Variants in VCAN observed in about 807,000 individuals in gnomAD.
VCAN encodes versican.
Under a neutral mutation model 245.5 loss-of-function variants are expected in VCAN, and 44 were observed. The ratio of observed to expected loss-of-function variants is 0.18; its 90% CI spans 0.14 to 0.23. The LOEUF is 0.23. Ranked by LOEUF, VCAN falls within the 10% of genes least tolerant of loss-of-function variation. The pLI, the probability that VCAN is intolerant of heterozygous loss-of-function variation, is 1.00. For synonymous variants in VCAN, 1,413 were observed against 1,437.0 expected (o/e 0.98, Z 0.38); for missense variants, 3,793 against 4,057.9 (o/e 0.93, Z 1.77).
At chr5:83,495,963 A>T (rs1745147413) in intron 5 of VCAN, among the ~76,000 whole-genome samples, 1 of 152,304 alleles carries the variant, frequency 6.6e-6, no homozygotes, top group South Asian at 2.1e-4. Context: ...ATCAGCTCTT[A>T]GCTCTCTAAG....
At chr5:83,557,453 G>A (rs1224139150) in intron 12 of VCAN, among the ~76,000 whole-genome samples, 2 of 152,014 alleles carry the variant, frequency 1.3e-5, no homozygotes. Flanking sequence ...GCCTATATCT[G>A]GCAGCTATGT....
chr5:83,541,171 G>A lies in VCAN; in HGVS notation c.8168G>A (p.Ser2723Asn), dbSNP rs1561258611. The part of the protein sequence containing the change: ...AKALDDMFES[S>N]TLSDGQAIAD... ...GCCCTGGATGACATGTTTGAATCAA[G>A]CACTTTGTCTGATGGTCAAGCTATT... The change falls in exon 8 of 15, where the codon AGC (serine) becomes AAC (asparagine). Residue 2723 changes from serine to asparagine, a missense_variant. Ser to Asn is a conservative substitution (Grantham distance 46, BLOSUM62 1). Around this residue, in one of 5 missense-constraint regions of VCAN, gnomAD observed 3,182 missense variants for 3,250.3 expected, o/e 0.98. Coordinates refer to ENST00000265077, the MANE Select transcript of VCAN (RefSeq NM_004385.5). 6.2e-7 allele frequency: 1 copy of A among 1,614,030 alleles called. No individual in the cohort carries two copies.
intron 7 of VCAN, among the ~76,000 whole-genome samples, chr5:83,535,209 A>G (rs150820707): frequency 3.8e-4 from 58 of 152,226 alleles, no homozygotes; most frequent in African/African-American, 1.4e-3. Context: ...GAATACCCAT[A>G]TGCTGTAGTT....
At chr5:83,554,582 A>G (rs962384605) in intron 11 of VCAN, among the ~76,000 whole-genome samples, 10 of 152,196 alleles carry the variant, frequency 6.6e-5, no homozygotes, top group Non-Finnish European at 1.5e-4. Flanking sequence ...TTATTGGGTC[A>G]CTGAATTTTT....
intron 5 of VCAN, among the ~76,000 whole-genome samples, chr5:83,504,218 T>A (rs1034146776): frequency 6.6e-6 from 1 of 152,194 alleles, no homozygotes; most frequent in Non-Finnish European, 1.5e-5. Flanking sequence ...AACAGGAATA[T>A]GTCAAAGCTA....
At position 83,490,658 on chromosome 5, in the gene VCAN, A is replaced by G. The variant is rs10039901; in HGVS notation, c.445+186A>G. Among the ~76,000 whole-genome samples, 1,133 of 152,262 alleles carry G rather than the reference A, an allele frequency of 7.4e-3. 15 individuals carry two copies. The highest frequency in any genetic ancestry group is 0.026 in the African/African-American group (1,083 of 41,552). On this transcript the variant is annotated intron_variant, in intron 3 of 14. Coordinates refer to ENST00000265077, the MANE Select transcript of VCAN (RefSeq NM_004385.5). ...CTCATTCAAAAGTCAAGGCAGGTGCATTTTTGGCAGCCACTTCATTGATTC... is the reference window on the plus strand; with the variant it reads ...CTCATTCAAAAGTCAAGGCAGGTGCGTTTTTGGCAGCCACTTCATTGATTC...
chr5:83,540,919 C>G lies in VCAN; in HGVS notation c.7916C>G (p.Ser2639Cys), dbSNP rs774772193. The change falls in exon 8 of 15, where the codon TCT (serine) becomes TGT (cysteine). Residue 2639 changes from serine (S) to cysteine (C), a missense_variant. Coordinates refer to ENST00000265077, the MANE Select transcript of VCAN (RefSeq NM_004385.5). ...TTAACTGAGGAAACATTTGAGGGCT[C>G]TGCTGATGTTCTGGCTAGCTACACT... ...LSLTEETFEG[S>C]ADVLASYTQA... The G allele has an allele frequency of 2.1e-5, 34 of 1,613,816 alleles. No homozygotes were observed. Among genetic ancestry groups the G allele is most frequent in the Non-Finnish European group, 2.9e-5 (34 of 1,179,960 alleles).
At chr5:83,568,341 G>T (rs1330112548) in intron 12 of VCAN, among the ~76,000 whole-genome samples, 2 of 152,044 alleles carry the variant, frequency 1.3e-5, no homozygotes, top group Non-Finnish European at 2.9e-5. Flanking sequence ...CATGCCTGTG[G>T]GTATCAGACA....
chr5:83,500,901 G>A (rs1045955765), intron 5 of VCAN, among the ~76,000 whole-genome samples: 6 of 152,174 alleles, frequency 3.9e-5, no homozygotes, highest in South Asian at 2.1e-4. Context: ...GTTTTTCAAT[G>A]TGGCTGTACC....
At chr5:83,565,246 G>C (rs1238942223) in intron 12 of VCAN, among the ~76,000 whole-genome samples, 4 of 152,170 alleles carry the variant, frequency 2.6e-5, no homozygotes, top group Admixed American at 2.0e-4. Flanking sequence ...GTAGGTTGCT[G>C]TCTACTCTGC....
chr5:83,545,024 A>G (rs181668519), intron 8 of VCAN: 180 of 181,104 alleles, frequency 9.9e-4, no homozygotes, highest in Non-Finnish European at 1.1e-3. Context: ...AGCAGAAGAG[A>G]CTTCAGTGCA....
intron 12 of VCAN, chr5:83,562,318 G>A (rs1561271095): frequency 1.3e-5 from 2 of 152,052 alleles, no homozygotes; most frequent in Non-Finnish European, 2.9e-5. Flanking sequence ...GACTTGTGTT[G>A]TAGTTTAATT....
chr5:83,532,181 C>T (rs1322474461), intron 7 of VCAN, among the ~76,000 whole-genome samples: 2 of 152,042 alleles, frequency 1.3e-5, no homozygotes, highest in Non-Finnish European at 2.9e-5. Context: ...TACTATACAC[C>T]GCAAAGAAAC....
intron 9 of VCAN, 108 bp downstream of exon 9, chr5:83,545,758 A>G: frequency 2.2e-6 from 2 of 900,428 alleles, no homozygotes; most frequent in South Asian, 1.3e-5. Context: ...CCATATGAAG[A>G]TTAATTATAT....
intron 3 of VCAN, among the ~76,000 whole-genome samples, chr5:83,492,921 C>T (rs1745027767): frequency 6.6e-6 from 1 of 152,116 alleles, no homozygotes; most frequent in South Asian, 2.1e-4. Flanking sequence ...CCTTATGGGA[C>T]AGGAAATTAA....
intron 1 of VCAN, among the ~76,000 whole-genome samples, chr5:83,482,794 C>T (rs187356768): frequency 1.4e-3 from 211 of 152,320 alleles, no homozygotes; most frequent in African/African-American, 4.9e-3. Flanking sequence ...TTTCTTGACT[C>T]AGTACAGGGT....
intron 10 of VCAN, among the ~76,000 whole-genome samples, chr5:83,551,236 TG>T (rs1427298111): frequency 6.6e-6 from 1 of 151,880 alleles, no homozygotes; most frequent in African/African-American, 2.4e-5. Context: ...AGGGGCTGGG[TG>T]CGATAGCTCA....
chr5:83,554,746 T>C lies in VCAN; in HGVS notation c.9653-210T>C, dbSNP rs1252525644. ...TGTCTATGTCTTGATATTTTAATGC[T>C]TCACAGGGTTTGCACATTAACCTTT... On this transcript the variant is annotated intron_variant, in intron 11 of 14. Transcript: ENST00000265077. Among the ~76,000 whole-genome samples, 6 of 152,332 alleles carry C rather than the reference T, an allele frequency of 3.9e-5. No homozygotes were observed. The South Asian group carries it at 1.0e-3, about 26-fold the overall frequency.
intron 6 of VCAN, among the ~76,000 whole-genome samples, chr5:83,514,608 C>T (rs529288901): frequency 9.2e-5 from 14 of 151,852 alleles, no homozygotes; most frequent in Admixed American, 2.6e-4. Context: ...TATAGGCATG[C>T]GCCACCGTGC....
Sources: gnomAD v4.1 joint callset for allele counts (sites outside exome capture counted in the v4.1 genomes callset) on GRCh38, gnomAD v4.1.1 for gene constraint, gnomAD v4.1.1 regional missense constraint, MANE v1.5 for transcripts, NCBI Gene and HGNC (gene_info 2026-07-23, HGNC 2026-07-21) for gene names.